FRY: variants seen among roughly 807,000 people sequenced by gnomAD.
FRY encodes protein furry homolog.
In FRY, 128 loss-of-function variants were observed where a neutral mutation model predicts 348.4. That is an observed-to-expected ratio of 0.37 (90% confidence interval 0.32 to 0.43). The LOEUF (loss-of-function observed/expected upper bound fraction) is 0.43, where lower values mean the gene tolerates loss of function less well. FRY is among the 20% of genes least tolerant of loss of function. The pLI is 1.00. For synonymous variants in FRY, 1,370 were observed against 1,374.7 expected, an observed-to-expected ratio of 1.00 and a Z score of 0.08; for missense variants, 2,736 against 3,695.2, an observed-to-expected ratio of 0.74 and a Z score of 6.73.
At chr13:32,170,364 G>C (rs1246703138) in intron 17 of FRY, among the ~76,000 whole-genome samples, 1 of 152,180 alleles carries the variant, frequency 6.6e-6, no homozygotes, top group Non-Finnish European at 1.5e-5. Flanking sequence ...GGTGAAATCT[G>C]AGTAAAGTAG....
intron 1 of FRY, among the ~76,000 whole-genome samples, chr13:32,064,811 GTCT>G (rs1207817307): frequency 1.3e-5 from 2 of 152,088 alleles, no homozygotes; most frequent in African/African-American, 4.8e-5. Flanking sequence ...TTATACTAAG[GTCT>G]TAATGAAAAT....
chr13:32,214,600 G>A (rs1299865233), intron 35 of FRY, among the ~76,000 whole-genome samples: 1 of 152,148 alleles, frequency 6.6e-6, no homozygotes, highest in Non-Finnish European at 1.5e-5. Context: ...TGCATAGTAG[G>A]CATTTTAAAG....
In FRY at chr13:32,173,347, T is replaced by C; in HGVS notation, c.2152-20T>C. 6.3e-7 allele frequency: 1 copy of C among 1,596,360 alleles called. No homozygotes were observed. Among genetic ancestry groups the C allele is most frequent in the Non-Finnish European group, 8.6e-7 (1 of 1,165,556 alleles). The stretch of plus-strand genomic sequence containing the variant: ...TTGTTATTTCGCTGAATACAGAATG[T>C]TGTTCTTATTGCATAACAGCTCATC... On this transcript the variant is annotated intron_variant, in intron 18 of 60. Coordinates refer to ENST00000542859, the MANE Select transcript of FRY (RefSeq NM_023037.3).
chr13:32,130,265 T>A (rs1879269939), intron 7 of FRY, among the ~76,000 whole-genome samples: 1 of 152,080 alleles, frequency 6.6e-6, no homozygotes, highest in South Asian at 2.1e-4. Context: ...GGTCTCGAAC[T>A]CCTGACCTCA....
intron 1 of FRY, among the ~76,000 whole-genome samples, chr13:32,077,083 G>A (rs1875124491): frequency 6.6e-6 from 1 of 152,166 alleles, no homozygotes; most frequent in Non-Finnish European, 1.5e-5. Context: ...AGAAAAGAAT[G>A]GAAAGGAGCT....
intron 2 of FRY, among the ~76,000 whole-genome samples, chr13:32,089,377 G>A (rs753114929): frequency 1.3e-5 from 2 of 152,134 alleles, no homozygotes; most frequent in Admixed American, 1.3e-4. Flanking sequence ...TAGGTTGAAG[G>A]CAGGGGGGTT....
At chr13:32,128,028 T>C (rs754227418) in intron 7 of FRY, among the ~76,000 whole-genome samples, 6 of 152,182 alleles carry the variant, frequency 3.9e-5, no homozygotes, top group African/African-American at 1.2e-4. Flanking sequence ...ATTAAAACCA[T>C]AGTTATTTTG....
At chr13:32,217,047 T>C (rs1199317303) in intron 35 of FRY, among the ~76,000 whole-genome samples, 2 of 152,206 alleles carry the variant, frequency 1.3e-5, no homozygotes, top group Non-Finnish European at 2.9e-5. Flanking sequence ...TAATGGTACA[T>C]CCAGGAGTTT....
At chr13:32,037,229 A>G (rs1872561263) in intron 1 of FRY, among the ~76,000 whole-genome samples, 1 of 152,324 alleles carries the variant, frequency 6.6e-6, no homozygotes, top group East Asian at 1.9e-4. Context: ...GATTATAGTA[A>G]TAAGGCACAT....
intron 35 of FRY, among the ~76,000 whole-genome samples, chr13:32,215,422 A>G (rs1884934925): frequency 6.6e-6 from 1 of 152,212 alleles, no homozygotes; most frequent in Non-Finnish European, 1.5e-5. Context: ...ATTAATAAAA[A>G]TTTTTAAAAA....
chr13:32,125,694 T>A (rs1878975484), intron 7 of FRY, among the ~76,000 whole-genome samples: 1 of 152,092 alleles, frequency 6.6e-6, no homozygotes, highest in African/African-American at 2.4e-5. Flanking sequence ...AAACAAAAAT[T>A]TTAAAAAGCA....
chr13:32,069,875 C>A (rs1262030919), intron 1 of FRY, among the ~76,000 whole-genome samples: 1 of 151,428 alleles, frequency 6.6e-6, no homozygotes, highest in Non-Finnish European at 1.5e-5. Context: ...ACCCCCACCC[C>A]CCAAGAGGCC....
intron 55 of FRY, among the ~76,000 whole-genome samples, chr13:32,269,227 A>C (rs557134314): frequency 3.1e-4 from 47 of 152,230 alleles, no homozygotes; most frequent in Non-Finnish European, 5.7e-4. Flanking sequence ...CTTGGGGAGT[A>C]GGAGACTCCA....
At chr13:32,245,385 G>A (rs568973940) in intron 47 of FRY, among the ~76,000 whole-genome samples, 2 of 152,054 alleles carry the variant, frequency 1.3e-5, no homozygotes, top group East Asian at 2.0e-4. Flanking sequence ...CAAGAGGATC[G>A]CTTGAGGCCA....
At chr13:32,288,373 G>A (rs1889176248) in intron 58 of FRY, among the ~76,000 whole-genome samples, 1 of 152,118 alleles carries the variant, frequency 6.6e-6, no homozygotes, top group South Asian at 2.1e-4. Context: ...TTAATCTTAG[G>A]CCTGTTACCA....
intron 1 of FRY, 22 bp from the exon 2 acceptor site, chr13:32,078,812 G>A: frequency 6.3e-7 from 1 of 1,577,376 alleles, no homozygotes; most frequent in Non-Finnish European, 8.7e-7. Context: ...CAGCCAGTAA[G>A]AATGCCCATT....
intron 2 of FRY, among the ~76,000 whole-genome samples, chr13:32,098,494 TTACTC>T (rs1241806187): frequency 4.6e-5 from 7 of 152,004 alleles, no homozygotes; most frequent in Non-Finnish European, 1.0e-4. Flanking sequence ...TGATGTGACT[TTACTC>T]TATGGTAAGG....
chr13:32,224,188 T>G (rs1566145897), intron 36 of FRY, 47 bp from the exon 37 acceptor site: 1 of 1,510,756 alleles, frequency 6.6e-7, no homozygotes, highest in Admixed American at 1.7e-5. Context: ...AGAAAACAAG[T>G]CTCCTCTCCC....
intron 29 of FRY, among the ~76,000 whole-genome samples, chr13:32,196,764 A>T (rs1344112917): frequency 1.3e-5 from 2 of 152,152 alleles, no homozygotes. Context: ...AATTTTGCAA[A>T]ATTTTTCATA....
Sources: gnomAD v4.1 joint callset for allele counts (sites outside exome capture counted in the v4.1 genomes callset) on GRCh38, gnomAD v4.1.1 for gene constraint, MANE v1.5 for transcripts, NCBI Gene and HGNC (gene_info 2026-07-23, HGNC 2026-07-21) for gene names.